Variants in CDO1 observed in about 807,000 individuals in gnomAD.
The protein encoded by CDO1 is cysteine dioxygenase, type I.
Under a neutral mutation model 24.5 loss-of-function variants are expected in CDO1, and 19 were observed. That is an observed-to-expected ratio of 0.77 (90% confidence interval 0.54 to 1.14). The LOEUF (loss-of-function observed/expected upper bound fraction) is 1.14, where lower values mean the gene tolerates loss of function less well. Among genes scored for constraint, CDO1 ranks in the 50% most tolerant of loss-of-function variants. The pLI is 0.00. For missense variants in CDO1, 244 were observed against 244.8 expected, an observed-to-expected ratio of 1.00 and a Z score of 0.02; for synonymous variants, 91 against 87.0, an observed-to-expected ratio of 1.05 and a Z score of -0.26.
chr5:115,812,877 A>G (rs1199577370), intron 2 of CDO1, among the ~76,000 whole-genome samples: 2 of 151,730 alleles, frequency 1.3e-5, no homozygotes, highest in African/African-American at 4.8e-5. Flanking sequence ...GTGAAACCCC[A>G]TCTCTACTAA....
intron 3 of CDO1, among the ~76,000 whole-genome samples, chr5:115,809,348 C>A (rs946410079): frequency 6.6e-6 from 1 of 152,032 alleles, no homozygotes; most frequent in African/African-American, 2.4e-5. Flanking sequence ...AGGTCCAGGC[C>A]CGGTCGACCT....
chr5:115,812,897 A>C (rs550184192), intron 2 of CDO1, among the ~76,000 whole-genome samples: 4 of 152,036 alleles, frequency 2.6e-5, no homozygotes, highest in Non-Finnish European at 5.9e-5. Flanking sequence ...AAAATACAAA[A>C]TTAGCCAGGC....
chr5:115,811,802 G>C (rs1190037162), intron 2 of CDO1, among the ~76,000 whole-genome samples: 1 of 152,094 alleles, frequency 6.6e-6, no homozygotes, highest in African/African-American at 2.4e-5. Flanking sequence ...TCCTTCCTTT[G>C]GGGAGCTGTG....
chr5:115,812,839 G>A (rs1043640288), intron 2 of CDO1, among the ~76,000 whole-genome samples: 2 of 151,982 alleles, frequency 1.3e-5, no homozygotes, highest in Non-Finnish European at 2.9e-5. Flanking sequence ...CCTGAGGTCA[G>A]GAGTTCGAGA....
At position 115,805,299 on chromosome 5, in the gene CDO1, G is replaced by C. The variant is rs200983484; in HGVS notation, c.*134C>G. 1 of 690,064 alleles carries C rather than the reference G, an allele frequency of 1.4e-6. No individual in the cohort carries two copies. The allele number at this position is 690,064 out of a possible 1,614,324, so 42.7% of individuals were successfully genotyped here. A position where few individuals can be genotyped will look rare whatever the true frequency, so the allele number is the denominator to read the frequency against. ...TTGCTTACTTAATGCCTTATAATTAGCATCTGCCTTACAGTAGATCTAAGT... is the reference window on the plus strand; with the variant it reads ...TTGCTTACTTAATGCCTTATAATTACCATCTGCCTTACAGTAGATCTAAGT... On this transcript the variant is annotated 3_prime_UTR_variant, in exon 5 of 5. Coordinates refer to ENST00000250535, the MANE Select transcript of CDO1 (RefSeq NM_001801.3).
chr5:115,808,264 T>C (rs947380137), intron 3 of CDO1, among the ~76,000 whole-genome samples: 2 of 151,926 alleles, frequency 1.3e-5, no homozygotes, highest in Admixed American at 1.3e-4. Context: ...CAGGTGTGAG[T>C]CACCACACCC....
rs1049801829 is a variant in CDO1, at chr5:115,804,823, T to C, written c.*610A>G. ...ACCATGGGACACAGACATGAGTTTA[T>C]GTTTTGGTTTGTTGTGGTCTGGGGA... On this transcript the variant is annotated 3_prime_UTR_variant, in exon 5 of 5. Transcript: ENST00000250535. The C allele has an allele frequency of 2.0e-5, 3 of 152,204 alleles. No homozygotes were observed. The highest frequency in any genetic ancestry group is 2.1e-4 in the South Asian group (1 of 4,832). 9.4% of individuals were successfully genotyped at this position (152,204 alleles called of 1,614,324 possible).
At chr5:115,812,670 A>G (rs897862067) in intron 2 of CDO1, among the ~76,000 whole-genome samples, 1 of 152,138 alleles carries the variant, frequency 6.6e-6, no homozygotes, top group African/African-American at 2.4e-5. Flanking sequence ...GGCTGGTTTT[A>G]ATATGTGTAG....
At chr5:115,806,775 A>C in intron 3 of CDO1, among the ~76,000 whole-genome samples, 1 of 152,234 alleles carries the variant, frequency 6.6e-6, no homozygotes, top group East Asian at 1.9e-4. Context: ...AAAAGAGAAA[A>C]CACTAACAAA....
Position 115,805,120 on chromosome 5 carries a change from C to T in CDO1, c.*313G>A, listed in dbSNP as rs765299596. On this transcript the variant is annotated 3_prime_UTR_variant, in exon 5 of 5. Coordinates refer to ENST00000250535, the MANE Select transcript of CDO1 (RefSeq NM_001801.3). ...TACAGTTCAGAGACCAAAGTATTTC[C>T]AAAAGCTATGAAAACCCTCACTGAC... The T allele has an allele frequency of 6.9e-6, 2 of 288,482 alleles. No individual in the cohort carries two copies. Among genetic ancestry groups the T allele is most frequent in the Non-Finnish European group, 1.3e-5 (2 of 157,392 alleles). 17.9% of individuals were successfully genotyped at this position (288,482 alleles called of 1,614,324 possible). A position where few individuals can be genotyped will look rare whatever the true frequency, so the allele number is the denominator to read the frequency against.
intron 2 of CDO1, among the ~76,000 whole-genome samples, chr5:115,812,118 T>C (rs1157765116): frequency 6.6e-6 from 1 of 152,200 alleles, no homozygotes; most frequent in Non-Finnish European, 1.5e-5. Flanking sequence ...ATTTGTTTCC[T>C]AAATCCACAG....
intron 2 of CDO1, 146 bp from the exon 3 acceptor site, chr5:115,811,461 T>G: frequency 3.4e-6 from 2 of 583,532 alleles, no homozygotes; most frequent in Non-Finnish European, 6.0e-6. Context: ...TTTTAAAATG[T>G]TATCAACTTA....
chr5:115,812,009 G>A (rs148182732), intron 2 of CDO1, among the ~76,000 whole-genome samples: 1,566 of 152,274 alleles, frequency 0.01, 18 homozygotes, highest in African/African-American at 0.033. Context: ...TGAAGCAGTC[G>A]TGGTTACAGG....
Position 115,816,561 on chromosome 5 carries a change from C to T in CDO1, c.-164G>A, listed in dbSNP as rs1760463220. The stretch of plus-strand genomic sequence containing the variant: ...GAGTGCCGAAACGTAAGGATGTCGT[C>T]GCAGAGACAGCAAGAGACCCACCCC... On this transcript the variant is annotated 5_prime_UTR_variant, in exon 1 of 5. Transcript: ENST00000250535. 2.7e-6 allele frequency: 2 copies of T among 751,432 alleles called. No homozygotes were observed. Among genetic ancestry groups the T allele is most frequent in the Non-Finnish European group, 4.3e-6 (2 of 464,044 alleles). 46.5% of individuals were successfully genotyped at this position (751,432 alleles called of 1,614,324 possible). A position where few individuals can be genotyped will look rare whatever the true frequency, so the allele number is the denominator to read the frequency against.
chr5:115,808,738 C>CAAAACAAAACAAAACA (rs148482750), intron 3 of CDO1, among the ~76,000 whole-genome samples: 225 of 151,880 alleles, frequency 1.5e-3, no homozygotes, highest in African/African-American at 5.0e-3. Flanking sequence ...CAAAACAAAA[C>CAAAACAAAACAAAACA]AAACAAAACA....
At chr5:115,812,796 C>T (rs1760244427) in intron 2 of CDO1, among the ~76,000 whole-genome samples, 2 of 151,828 alleles carry the variant, frequency 1.3e-5, no homozygotes, top group South Asian at 4.2e-4. Context: ...ACCTGTAATC[C>T]CAGCACTTTG....
intron 4 of CDO1, among the ~76,000 whole-genome samples, chr5:115,805,671 C>A (rs1407869979): frequency 6.6e-6 from 1 of 152,180 alleles, no homozygotes; most frequent in African/African-American, 2.4e-5. Flanking sequence ...AAATTCTGCC[C>A]TGGCTTCCCT....
intron 3 of CDO1, among the ~76,000 whole-genome samples, chr5:115,807,393 T>C (rs1759992364): frequency 6.6e-6 from 1 of 152,206 alleles, no homozygotes; most frequent in Admixed American, 6.5e-5. Context: ...TTCTTGGTTT[T>C]TAAATATTAG....
At chr5:115,813,079 AT>A (rs1193980733) in intron 2 of CDO1, 101 bp downstream of exon 2, 1 of 386,416 alleles carries the variant, frequency 2.6e-6, no homozygotes, top group African/African-American at 2.3e-5. Context: ...AAAAAATGAG[AT>A]TTGTTACTAC....
Sources: gnomAD v4.1 joint callset for allele counts (sites outside exome capture counted in the v4.1 genomes callset) on GRCh38, gnomAD v4.1.1 for gene constraint, MANE v1.5 for transcripts, NCBI Gene and HGNC (gene_info 2026-07-23, HGNC 2026-07-21) for gene names.